Variants in INSC observed in about 807,000 individuals in gnomAD.
INSC encodes the protein INSC spindle orientation adaptor protein.
In INSC, 67 loss-of-function variants were observed where a neutral mutation model predicts 58.6. That is an observed-to-expected ratio of 1.14 (90% CI 0.94 to 1.40). INSC has a LOEUF of 1.40. Among genes scored for constraint, INSC ranks in the 40% most tolerant of loss-of-function variants. The probability of loss-of-function intolerance (pLI) is 0.00; values close to 1 mark genes in which losing one functional copy is unlikely to be tolerated. For synonymous variants in INSC, 262 were observed against 276.1 expected (o/e 0.95, Z 0.51); for missense variants, 714 against 692.0 (o/e 1.03, Z -0.36).
At chr11:15,243,430 G>T (rs561041490) in intron 12 of INSC, among the ~76,000 whole-genome samples, 561 of 152,318 alleles carry the variant, frequency 3.7e-3, no homozygotes, top group Non-Finnish European at 6.2e-3. Context: ...AGGTTGCCAG[G>T]CTTGTTTAAT....
intron 7 of INSC, among the ~76,000 whole-genome samples, chr11:15,201,661 G>C (rs909881493): frequency 6.6e-6 from 1 of 152,202 alleles, no homozygotes; most frequent in Non-Finnish European, 1.5e-5. Flanking sequence ...AGGGACTCCA[G>C]CCAGGAGAGC....
At chr11:15,135,386 C>T (rs1253145630) in intron 1 of INSC, among the ~76,000 whole-genome samples, 5 of 152,294 alleles carry the variant, frequency 3.3e-5, no homozygotes, top group East Asian at 3.9e-4. Context: ...ACCTTATACC[C>T]CCTGTTTCCA....
intron 6 of INSC, among the ~76,000 whole-genome samples, chr11:15,195,641 C>T (rs1311138231): frequency 2.6e-5 from 4 of 152,170 alleles, no homozygotes; most frequent in Non-Finnish European, 5.9e-5. Flanking sequence ...TGATGTTTGA[C>T]CTCCTGCAGA....
chr11:15,239,495 T>G (rs1382074517), intron 11 of INSC, among the ~76,000 whole-genome samples: 2 of 152,006 alleles, frequency 1.3e-5, no homozygotes, highest in Non-Finnish European at 2.9e-5. Flanking sequence ...ATTAACTCAT[T>G]CATTAATTCA....
chr11:15,146,669 G>T (rs1438656991), intron 1 of INSC, among the ~76,000 whole-genome samples: 8 of 152,178 alleles, frequency 5.3e-5, no homozygotes, highest in Non-Finnish European at 8.8e-5. Flanking sequence ...CGATTGTTTT[G>T]CCTTGTTCCT....
chr11:15,123,686 A>G (rs919162689), intron 1 of INSC, among the ~76,000 whole-genome samples: 1 of 152,200 alleles, frequency 6.6e-6, no homozygotes, highest in Non-Finnish European at 1.5e-5. Context: ...AGGTCCCTGG[A>G]GGAGATGGCT....
At chr11:15,113,149 C>CTTTCTTTCTTCCTTTCTTTCTT (rs757233948), upstream of INSC, among the ~76,000 whole-genome samples, 1 of 131,254 alleles carries the variant, frequency 7.6e-6, no homozygotes, top group Non-Finnish European at 1.7e-5. Context: ...TTCTTTCTGT[C>CTTTCTTTCTTCCTTTCTTTCTT]TCTCTCTCTC....
At position 15,167,680 on chromosome 11, in the gene INSC, C is replaced by T. The variant is rs964298694; in HGVS notation, c.57-8061C>T. On this transcript the variant is annotated intron_variant, in intron 2 of 12. Transcript: ENST00000379556. ...ATTATTATTGTAGAGATGGGGGTATCGCTATGTTGCTCAGGTTGGTCTCAA... is the reference window on the plus strand; with the variant it reads ...ATTATTATTGTAGAGATGGGGGTATTGCTATGTTGCTCAGGTTGGTCTCAA... Among the ~76,000 whole-genome samples, 23 of 151,786 alleles carry T rather than the reference C, an allele frequency of 1.5e-4. 1 individual carries two copies. The highest frequency in any genetic ancestry group is 4.8e-4 in the African/African-American group (20 of 41,302).
chr11:15,162,398 T>C (rs1849050230), intron 2 of INSC, among the ~76,000 whole-genome samples: 1 of 152,204 alleles, frequency 6.6e-6, no homozygotes, highest in African/African-American at 2.4e-5. Flanking sequence ...GCTAATTCTT[T>C]CACCTCTTTG....
Position 15,229,979 on chromosome 11 carries a change from TTATATATATA to T in INSC, c.1170+4176_1170+4185del, listed in dbSNP as rs1194544781. On this transcript the variant is annotated intron_variant, in intron 9 of 12. Transcript: ENST00000379556. Reference sequence around the variant, plus strand: ...ATATATTTATATATATATATATATATTATATATATATATATATATATATATATATATATAA... The same window carrying T: ...ATATATTTATATATATATATATATATTATATATATATATATATATATATAA... 4.1e-3 allele frequency among the ~76,000 whole-genome samples: 134 copies of T among 32,920 alleles called. 1 individual carries two copies. The highest frequency in any genetic ancestry group is 0.02 in the Middle Eastern group (1 of 50). The allele number at this position is 32,920 out of a possible 152,430, so 21.6% of individuals were successfully genotyped here. A position where few individuals can be genotyped will look rare whatever the true frequency, so the allele number is the denominator to read the frequency against.
In INSC at chr11:15,239,092, G is replaced by T; in HGVS notation, c.1393+18G>T. The T allele has an allele frequency of 1.2e-6, 2 of 1,602,742 alleles. No homozygotes were observed. Among genetic ancestry groups the T allele is most frequent in the South Asian group, 2.2e-5 (2 of 90,370 alleles). ...GCTCAGCTGTGAGTGGTGCTTTCTGGCTGTGGCTGGAGTGGAGTGGGGGTA... is the reference window on the plus strand; with the variant it reads ...GCTCAGCTGTGAGTGGTGCTTTCTGTCTGTGGCTGGAGTGGAGTGGGGGTA... On this transcript the variant is annotated intron_variant, in intron 11 of 12. Coordinates refer to ENST00000379556, the MANE Select transcript of INSC (RefSeq NM_001042536.3).
At chr11:15,221,366 C>T in intron 7 of INSC, 111 bp from the exon 8 acceptor site, 2 of 1,294,796 alleles carry the variant, frequency 1.5e-6, no homozygotes, top group Non-Finnish European at 2.1e-6. Flanking sequence ...TTCTGGGAAG[C>T]CAGAGCTGGC....
intron 6 of INSC, among the ~76,000 whole-genome samples, chr11:15,198,401 G>A (rs1033804668): frequency 6.6e-6 from 1 of 152,254 alleles, no homozygotes; most frequent in Non-Finnish European, 1.5e-5. Flanking sequence ...TGAGAGAGAT[G>A]TAATGAGAAT....
At chr11:15,183,898 A>T (rs1849872095) in intron 5 of INSC, among the ~76,000 whole-genome samples, 1 of 152,196 alleles carries the variant, frequency 6.6e-6, no homozygotes, top group South Asian at 2.1e-4. Flanking sequence ...TATTTTCTGA[A>T]ATATTTATAC....
At chr11:15,255,348 GAGA>G in the INSC span, among the ~76,000 whole-genome samples, 119 of 152,202 alleles carry the variant, frequency 7.8e-4, 1 homozygote, top group African/African-American at 2.8e-3. Flanking sequence ...TTATTTCAGG[GAGA>G]AGGAGAATAG....
intron 9 of INSC, among the ~76,000 whole-genome samples, chr11:15,229,977 TA>T (rs1397994544): frequency 1.8e-4 from 2 of 11,174 alleles, no homozygotes; most frequent in African/African-American, 3.9e-4. Flanking sequence ...TATATATATA[TA>T]TTATATATAT....
the INSC span, among the ~76,000 whole-genome samples, chr11:15,263,154 T>C: frequency 2.6e-5 from 4 of 152,118 alleles, no homozygotes; most frequent in African/African-American, 9.7e-5. Flanking sequence ...GGAAGATATA[T>C]CTGAAAAGGT....
At chr11:15,179,645 C>T (rs1187882962) in intron 5 of INSC, among the ~76,000 whole-genome samples, 1 of 152,214 alleles carries the variant, frequency 6.6e-6, no homozygotes, top group Non-Finnish European at 1.5e-5. Flanking sequence ...CCTCAAGGGC[C>T]ACTCTCCATG....
chr11:15,118,671 C>T (rs139892836), intron 1 of INSC, among the ~76,000 whole-genome samples: 150 of 152,260 alleles, frequency 9.9e-4, no homozygotes, highest in African/African-American at 3.5e-3. Context: ...AAAGGTAAGA[C>T]TAAGACTGGA....
Sources: allele counts gnomAD v4.1 joint callset (sites outside exome capture counted in the v4.1 genomes callset), GRCh38; gene constraint gnomAD v4.1.1; transcripts MANE v1.5; gene names NCBI Gene and HGNC (gene_info 2026-07-23, HGNC 2026-07-21).